Variants in AGBL1 observed in about 807,000 individuals in gnomAD.
AGBL1 encodes the protein AGBL carboxypeptidase 1, also known as cytosolic carboxypeptidase 4.
Under a neutral mutation model 118.9 loss-of-function variants are expected in AGBL1, and 130 were observed. The observed-to-expected ratio is 1.09, with a 90% CI of 0.95 to 1.26. The LOEUF (loss-of-function observed/expected upper bound fraction) is 1.26. Ranked by LOEUF, AGBL1 falls within the 50% of genes most tolerant of loss-of-function variation. The pLI, the probability that AGBL1 is intolerant of heterozygous loss-of-function variation, is 0.00. For synonymous variants in AGBL1, 555 were observed against 478.9 expected (o/e 1.16, Z -2.08); for missense variants, 1,584 against 1,298.1 (o/e 1.22, Z -3.38).
chr15:86,569,640 T>C (rs2083972879), intron 21 of AGBL1, among the ~76,000 whole-genome samples: 1 of 152,198 alleles, frequency 6.6e-6, no homozygotes, highest in Non-Finnish European at 1.5e-5. Context: ...TAGTAAAATA[T>C]TGTCCTCATT....
intron 17 of AGBL1, among the ~76,000 whole-genome samples, chr15:86,387,427 C>T (rs2081213686): frequency 6.6e-6 from 1 of 152,060 alleles, no homozygotes; most frequent in Admixed American, 6.5e-5. Flanking sequence ...ATGATACCAT[C>T]AGACTTAGGT....
intron 21 of AGBL1, among the ~76,000 whole-genome samples, chr15:86,614,997 C>G (rs1450775866): frequency 6.6e-6 from 1 of 152,054 alleles, no homozygotes; most frequent in Non-Finnish European, 1.5e-5. Flanking sequence ...GCAAAGAAAA[C>G]TAGAATGGTG....
chr15:86,381,769 T>G (rs1359463263), intron 17 of AGBL1, among the ~76,000 whole-genome samples: 2 of 151,992 alleles, frequency 1.3e-5, no homozygotes, highest in Non-Finnish European at 2.9e-5. Flanking sequence ...GAGGGGCCTG[T>G]GCAAAGATCA....
At chr15:86,497,497 T>G (rs1276119263) in intron 18 of AGBL1, among the ~76,000 whole-genome samples, 2 of 151,984 alleles carry the variant, frequency 1.3e-5, no homozygotes, top group African/African-American at 4.8e-5. Flanking sequence ...TTTGATAATT[T>G]TCAAAACATT....
intron 1 of AGBL1, among the ~76,000 whole-genome samples, chr15:86,135,444 G>A (rs10520608): frequency 0.37 from 55,996 of 152,050 alleles, 10,640 homozygotes; most frequent in South Asian, 0.51. Flanking sequence ...TTGGCACTCT[G>A]TATTTGCTTG....
Position 86,264,368 on chromosome 15 carries a change from C to T in AGBL1, c.1197C>T (p.Asp399=), listed in dbSNP as rs1335931589. The T allele has an allele frequency of 6.2e-7, 1 of 1,613,634 alleles. No individual in the cohort carries two copies. The highest frequency in any genetic ancestry group is 8.5e-7 in the Non-Finnish European group (1 of 1,179,764). The part of the protein sequence containing the change: ...ASSKQHCYSK[D]QSSCGQEREY... ...CAAAACAGCATTGCTACAGCAAGGACCAAAGCTCCTGTGGGCAAGAAAGAG... is the reference window on the plus strand; with the variant it reads ...CAAAACAGCATTGCTACAGCAAGGATCAAAGCTCCTGTGGGCAAGAAAGAG... The change falls in exon 11 of 23, where the codon GAC becomes GAT. Residue 399 remains aspartate, a synonymous_variant. Coordinates refer to ENST00000614907, the MANE Select transcript of AGBL1 (RefSeq NM_001386094.1).
chr15:86,561,240 G>C (rs1297143754), intron 21 of AGBL1, among the ~76,000 whole-genome samples: 1 of 152,116 alleles, frequency 6.6e-6, no homozygotes, highest in Non-Finnish European at 1.5e-5. Flanking sequence ...GTATTGCCTA[G>C]GTCCTGAATG....
chr15:86,674,499 A>T, intron 22 of AGBL1, 63 bp downstream of exon 22: 5 of 1,499,598 alleles, frequency 3.3e-6, no homozygotes, highest in Non-Finnish European at 4.5e-6. Flanking sequence ...TCAATATCTC[A>T]GTAATGAAAG....
intron 22 of AGBL1, among the ~76,000 whole-genome samples, chr15:86,768,302 CATAAT>C (rs779669042): frequency 2.0e-5 from 3 of 151,918 alleles, no homozygotes; most frequent in Admixed American, 1.3e-4. Flanking sequence ...TTTAACATAA[CATAAT>C]ATAACGTAAT....
At chr15:86,437,925 A>T (rs1222876733) in intron 18 of AGBL1, among the ~76,000 whole-genome samples, 1 of 151,662 alleles carries the variant, frequency 6.6e-6, no homozygotes, top group Non-Finnish European at 1.5e-5. Context: ...CTTTTTTTGG[A>T]GACGGAGTCT....
In AGBL1 at chr15:86,348,173, C is replaced by T. The variant is rs368224921; in HGVS notation, c.2375-49193C>T. ...CTTAAGGAAGGGGAAAGGAACTTGC[C>T]GAGAAGTGGGAGAGAAAAGAAGAGG... On this transcript the variant is annotated intron_variant, in intron 17 of 22. Coordinates refer to ENST00000614907, the MANE Select transcript of AGBL1 (RefSeq NM_001386094.1). 5.3e-5 allele frequency among the ~76,000 whole-genome samples: 8 copies of T among 151,300 alleles called. No individual in the cohort carries two copies. In the South Asian group the frequency reaches 6.3e-4, roughly 12 times the overall value.
chr15:86,559,004 G>A (rs931462798), intron 21 of AGBL1, among the ~76,000 whole-genome samples: 2 of 152,116 alleles, frequency 1.3e-5, no homozygotes, highest in African/African-American at 4.8e-5. Flanking sequence ...CAACTGTTTC[G>A]TGCCTTTCTT....
Position 86,700,468 on chromosome 15 carries a change from TACACACACACACAC to T in AGBL1, c.3158+26062_3158+26075del, listed in dbSNP as rs67457435. On this transcript the variant is annotated intron_variant, in intron 22 of 22. Transcript: ENST00000614907. ...CATGTTTACTTTTTCAGCAGACTAA[TACACACACACACAC>T]ACACACACACACACACACACACACA... Among the ~76,000 whole-genome samples the T allele has an allele frequency of 1.0e-3, 115 of 114,734 alleles. 1 individual carries two copies. The highest frequency in any genetic ancestry group is 1.4e-3 in the African/African-American group (40 of 27,656). The allele number at this position is 114,734 out of a possible 152,430, so 75.3% of individuals were successfully genotyped here.
chr15:86,827,341 G>GACACA (rs1567194409), intron 22 of AGBL1, among the ~76,000 whole-genome samples: 1 of 2,484 alleles, frequency 4.0e-4, no homozygotes, highest in Non-Finnish European at 6.4e-4. Context: ...ATATATATGT[G>GACACA]TATATATATA....
intron 22 of AGBL1, among the ~76,000 whole-genome samples, chr15:86,808,206 C>A (rs879784004): frequency 6.6e-6 from 1 of 151,908 alleles, no homozygotes; most frequent in African/African-American, 2.4e-5. Flanking sequence ...TGTGGTTGAC[C>A]CCTGGTATTC....
chr15:86,849,100 G>A (rs1479425077), intron 22 of AGBL1, among the ~76,000 whole-genome samples: 3 of 152,348 alleles, frequency 2.0e-5, no homozygotes, highest in South Asian at 4.1e-4. Context: ...AGTGAGGAGA[G>A]CTTTCTCATT....
At chr15:86,896,958 TC>T (rs2080138407) in intron 22 of AGBL1, among the ~76,000 whole-genome samples, 2 of 152,142 alleles carry the variant, frequency 1.3e-5, no homozygotes, top group African/African-American at 4.8e-5. Flanking sequence ...ACATGCACAT[TC>T]CTAAGGAAAG....
chr15:87,020,470 C>G (rs777375965), intron 24 of AGBL1, among the ~76,000 whole-genome samples: 1 of 152,122 alleles, frequency 6.6e-6, no homozygotes, highest in African/African-American at 2.4e-5. Flanking sequence ...CTTACCACTC[C>G]TATTCAACAC....
rs556921242 is a variant in AGBL1 at position 87,001,158 on chromosome 15, A to T, written c.3323+13070A>T. ...GACAATGGGGTTTTCTAGATATACA[A>T]TCATGTCATCTGCAAACAGGGACAA... On this transcript the variant is annotated intron_variant, in intron 24 of 24. Transcript: ENST00000441037. Among the ~76,000 whole-genome samples, 9 of 145,440 alleles carry T rather than the reference A, an allele frequency of 6.2e-5. No homozygotes were observed. The East Asian group carries it at 1.8e-3, about 29-fold the overall frequency.
Sources: allele counts gnomAD v4.1 joint callset (sites outside exome capture counted in the v4.1 genomes callset), GRCh38; gene constraint gnomAD v4.1.1; transcripts MANE v1.5; gene names NCBI Gene and HGNC (gene_info 2026-07-23, HGNC 2026-07-21).